Variants in UBE4A observed in about 807,000 individuals in gnomAD.
UBE4A encodes ubiquitin conjugation factor E4 A.
UBE4A carries 48 observed loss-of-function variants against 117.9 expected under a neutral mutation model. The observed-to-expected ratio is 0.41, with a 90% confidence interval of 0.32 to 0.52. The LOEUF is 0.52. Among genes scored for constraint, UBE4A ranks in the 20% least tolerant of loss-of-function variants. UBE4A has a pLI of 0.33. For synonymous variants in UBE4A, 407 were observed against 450.0 expected (o/e 0.90, Z 1.21); for missense variants, 1,067 against 1,296.3 (o/e 0.82, Z 2.72).
intron 4 of UBE4A, among the ~76,000 whole-genome samples, chr11:118,371,255 C>A (rs935641858): frequency 3.9e-5 from 6 of 152,148 alleles, no homozygotes; most frequent in Admixed American, 3.9e-4. Flanking sequence ...CAGCACCATT[C>A]AACAAATAGT....
Position 118,386,619 on chromosome 11 carries a change from A to T in UBE4A, c.2587+7A>T, listed in dbSNP as rs782592638. The T allele has an allele frequency of 6.5e-6, 10 of 1,535,770 alleles. No homozygotes were observed. Among genetic ancestry groups the T allele is most frequent in the Non-Finnish European group, 7.9e-6 (9 of 1,145,034 alleles). The stretch of plus-strand genomic sequence containing the variant: ...CTTGCCTTTCTCACATCAGGTAAGG[A>T]CATGAAGTACTGCTTCCCCCCAAAA... On this transcript the variant is annotated splice_region_variant and intron_variant, in intron 16 of 19. Coordinates refer to ENST00000252108, the MANE Select transcript of UBE4A (RefSeq NM_001204077.2).
rs1407866770 is a variant in UBE4A, at chr11:118,397,443, A to C, written c.*1003A>C. The stretch of plus-strand genomic sequence containing the variant: ...AGATTATAAAATGTATATAGTTAAT[A>C]TTTGTTTGAGCTTGTGACCTGACTT... On this transcript the variant is annotated 3_prime_UTR_variant, in exon 20 of 20. Transcript: ENST00000252108. 2.0e-5 allele frequency: 3 copies of C among 152,210 alleles called. No homozygotes were observed. Among genetic ancestry groups the C allele is most frequent in the Non-Finnish European group, 4.4e-5 (3 of 68,032 alleles). 9.4% of individuals were successfully genotyped at this position (152,210 alleles called of 1,614,324 possible). A position where few individuals can be genotyped will look rare whatever the true frequency, so the allele number is the denominator to read the frequency against.
chr11:118,388,640 C>T (rs1555127646), intron 16 of UBE4A, among the ~76,000 whole-genome samples: 2 of 145,844 alleles, frequency 1.4e-5, no homozygotes, highest in Non-Finnish European at 3.0e-5. Context: ...CAGAATGAGA[C>T]TCTATCTCAA....
intron 19 of UBE4A, among the ~76,000 whole-genome samples, chr11:118,393,524 C>T (rs1463363907): frequency 6.6e-6 from 1 of 152,060 alleles, no homozygotes; most frequent in East Asian, 1.9e-4. Flanking sequence ...GTCTTGAACT[C>T]CTGGGTTCAA....
At chr11:118,383,606 A>C (rs1250498367) in intron 13 of UBE4A, among the ~76,000 whole-genome samples, 3 of 151,362 alleles carry the variant, frequency 2.0e-5, no homozygotes, top group African/African-American at 7.3e-5. Flanking sequence ...AAAAAAAAAA[A>C]AAAAAACCAG....
chr11:118,367,100 T>C (rs1948569667), intron 2 of UBE4A, among the ~76,000 whole-genome samples: 1 of 151,810 alleles, frequency 6.6e-6, no homozygotes, highest in African/African-American at 2.4e-5. Context: ...GCTACTTGGC[T>C]GAGGCAGGAG....
rs1450352345 is a variant in UBE4A, at chr11:118,381,371, G to T, written c.1877-20G>T. The T allele has an allele frequency of 2.5e-6, 4 of 1,613,478 alleles. No individual in the cohort carries two copies. In the East Asian group the frequency reaches 8.9e-5, roughly 36 times the overall value. ...ATATACAGATGTTTGGCTAATTCCA[G>T]TGAATATTTTCTTTTTCAGAATTTT... On this transcript the variant is annotated intron_variant, in intron 11 of 19. Coordinates refer to ENST00000252108, the MANE Select transcript of UBE4A (RefSeq NM_001204077.2).
rs1268061899 is a variant in UBE4A, at chr11:118,375,134, C to T, written c.1355C>T (p.Pro452Leu). The T allele has an allele frequency of 6.2e-7, 1 of 1,614,134 alleles. No homozygotes were observed. Among genetic ancestry groups the T allele is most frequent in the Non-Finnish European group, 8.5e-7 (1 of 1,180,028 alleles). Residue 452 changes from proline to leucine, a missense_variant, in exon 9 of 20, where the codon CCC becomes CTC. Transcript: ENST00000252108. ...AAGCTATGCCAGCCATTTTGCAAACCCAGATCCTCTCGGCTCCTCACCTTT... is the reference window on the plus strand; with the variant it reads ...AAGCTATGCCAGCCATTTTGCAAACTCAGATCCTCTCGGCTCCTCACCTTT... ...LLKLCQPFCK[P>L]RSSRLLTFNP... is the part of the protein sequence containing the mutation.
chr11:118,374,421 C>T (rs937162913), intron 8 of UBE4A, among the ~76,000 whole-genome samples: 3 of 152,182 alleles, frequency 2.0e-5, no homozygotes, highest in Admixed American at 2.0e-4. Context: ...TAGTTTAAGT[C>T]CCCTAATCAT....
chr11:118,365,167 G>A lies in UBE4A; in HGVS notation c.87G>A (p.Ala29=), dbSNP rs766745752. ...FGSLADAKQF[A]AIQKEQLKQQ... is the part of the protein sequence containing the mutation. ...CCCTGGCTGATGCCAAACAGTTTGC[G>A]GCAATCCAAAAAGAGCAGCTGAAGC... is the stretch of plus-strand genomic sequence containing the variant. The change falls in exon 2 of 20, where the codon GCG becomes GCA. Residue 29 remains alanine (A), a synonymous_variant. Coordinates refer to ENST00000252108, the MANE Select transcript of UBE4A (RefSeq NM_001204077.2). The A allele has an allele frequency of 8.1e-6, 13 of 1,612,152 alleles. No homozygotes were observed. The highest frequency in any genetic ancestry group is 1.1e-5 in the Non-Finnish European group (13 of 1,179,264).
At chr11:118,385,172 A>G (rs1193266769) in intron 15 of UBE4A, among the ~76,000 whole-genome samples, 1 of 152,126 alleles carries the variant, frequency 6.6e-6, no homozygotes, top group Non-Finnish European at 1.5e-5. Flanking sequence ...GCATCATGAG[A>G]TGGACATTTT....
In UBE4A at chr11:118,386,531, C is replaced by G; in HGVS notation, c.2506C>G (p.Leu836Val). The change falls in exon 16 of 20, where the codon CTA becomes GTA. Residue 836 changes from leucine (L) to valine (V), a missense_variant. Coordinates refer to ENST00000252108, the MANE Select transcript of UBE4A (RefSeq NM_001204077.2). Reference sequence around the variant, plus strand: ...AGCCCGCCGAGAAAAGGAGGCTGGCCTACAGATGTTTGGACAGCTGGCACG... The same window carrying G: ...AGCCCGCCGAGAAAAGGAGGCTGGCGTACAGATGTTTGGACAGCTGGCACG... ...PEARREKEAG[L>V]QMFGQLARFH... is the part of the protein sequence containing the mutation. The G allele has an allele frequency of 1.2e-6, 2 of 1,606,688 alleles. No homozygotes were observed. Among genetic ancestry groups the G allele is most frequent in the Non-Finnish European group, 1.7e-6 (2 of 1,177,516 alleles).
At chr11:118,387,695 T>G (rs1948772265) in intron 16 of UBE4A, among the ~76,000 whole-genome samples, 1 of 152,154 alleles carries the variant, frequency 6.6e-6, no homozygotes, top group African/African-American at 2.4e-5. Context: ...AACAAGACCC[T>G]AAAATAGCCC....
intron 13 of UBE4A, among the ~76,000 whole-genome samples, chr11:118,383,372 T>C (rs1555126658): frequency 1.3e-5 from 2 of 152,054 alleles, no homozygotes; most frequent in East Asian, 3.9e-4. Context: ...AGTAGGCAGA[T>C]CACTTGAGCT....
At chr11:118,386,012 C>G (rs1555127160) in intron 15 of UBE4A, among the ~76,000 whole-genome samples, 1 of 152,158 alleles carries the variant, frequency 6.6e-6, no homozygotes, top group African/African-American at 2.4e-5. Flanking sequence ...ACGCATCTTG[C>G]ATATGTGATA....
At chr11:118,368,854 GC>G in intron 3 of UBE4A, 50 bp downstream of exon 3, 1 of 1,594,244 alleles carries the variant, frequency 6.3e-7, no homozygotes, top group Non-Finnish European at 8.6e-7. Flanking sequence ...TTGAGCTTGG[GC>G]TAGGGGCTTG....
chr11:118,373,070 A>G lies in UBE4A; in HGVS notation c.722-16A>G. ...ATTCTTGTGCCCTCCTTTCTCTCTC[A>G]TTTGTCTTCTGTTAGATTTTGAAGA... is the stretch of plus-strand genomic sequence containing the variant. On this transcript the variant is annotated splice_polypyrimidine_tract_variant and intron_variant, in intron 6 of 19. Transcript: ENST00000252108. The G allele has an allele frequency of 6.2e-7, 1 of 1,612,460 alleles. No homozygotes were observed. The highest frequency in any genetic ancestry group is 1.3e-5 in the African/African-American group (1 of 74,832).
chr11:118,385,942 G>T (rs1464066659), intron 15 of UBE4A, among the ~76,000 whole-genome samples: 6 of 152,212 alleles, frequency 3.9e-5, no homozygotes, highest in African/African-American at 7.2e-5. Flanking sequence ...TTAACAAGTT[G>T]TTTGCTACAA....
chr11:118,373,670 G>A lies in UBE4A; in HGVS notation c.1101G>A (p.Glu367=), dbSNP rs144679787. The A allele has an allele frequency of 1.9e-6, 3 of 1,613,732 alleles. No individual in the cohort carries two copies. In the African/African-American group the frequency reaches 4.0e-5, roughly 22 times the overall value. ...RSSPQEIKVQ[E]ANIHQFMAQF... Reference sequence around the variant, plus strand: ...GCCCCCAGGAGATCAAAGTACAGGAGGCCAACATCCATCAGGTGGAACTGT... The same window carrying A: ...GCCCCCAGGAGATCAAAGTACAGGAAGCCAACATCCATCAGGTGGAACTGT... Residue 367 remains glutamate, a synonymous_variant, in exon 8 of 20, where the codon GAG becomes GAA. Transcript: ENST00000252108.
Sources: allele counts gnomAD v4.1 joint callset (sites outside exome capture counted in the v4.1 genomes callset), GRCh38; gene constraint gnomAD v4.1.1; transcripts MANE v1.5; gene names NCBI Gene and HGNC (gene_info 2026-07-23, HGNC 2026-07-21).